Variants in ARMH3 observed in about 807,000 individuals in gnomAD.
ARMH3 encodes the protein armadillo like helical domain containing 3.
ARMH3 carries 60 observed loss-of-function variants against 99.1 expected under a neutral mutation model. The ratio of observed to expected loss-of-function variants is 0.61; its 90% CI spans 0.49 to 0.75. The LOEUF is 0.75. Among genes scored for constraint, ARMH3 ranks in the 30% least tolerant of loss-of-function variants. The probability of loss-of-function intolerance (pLI) is 0.00; values close to 1 mark genes in which losing one functional copy is unlikely to be tolerated. For missense variants in ARMH3, 679 were observed against 843.1 expected (o/e 0.81, Z 2.41); for synonymous variants, 285 against 292.8 (o/e 0.97, Z 0.27).
chr10:101,968,673 T>C (rs564043777), intron 20 of ARMH3, among the ~76,000 whole-genome samples: 2 of 152,366 alleles, frequency 1.3e-5, no homozygotes, highest in Admixed American at 1.3e-4. Flanking sequence ...TTTTTCTCCC[T>C]GTAACAGGCT....
At chr10:102,017,429 T>C (rs1455660759) in intron 8 of ARMH3, among the ~76,000 whole-genome samples, 1 of 152,216 alleles carries the variant, frequency 6.6e-6, no homozygotes, top group East Asian at 1.9e-4. Context: ...TGTCCAATAT[T>C]TCAGACTGAC....
intron 23 of ARMH3, among the ~76,000 whole-genome samples, chr10:101,918,788 C>T (rs1843190410): frequency 6.6e-6 from 1 of 152,122 alleles, no homozygotes; most frequent in African/African-American, 2.4e-5. Context: ...TAATGTATCC[C>T]TAACTCTAAT....
At chr10:101,950,769 T>C (rs761850616) in intron 22 of ARMH3, among the ~76,000 whole-genome samples, 2 of 152,142 alleles carry the variant, frequency 1.3e-5, no homozygotes, top group African/African-American at 2.4e-5. Flanking sequence ...ACACAGAGAA[T>C]AGATTAGTGA....
intron 8 of ARMH3, 46 bp downstream of exon 8, chr10:102,023,428 TAAG>T (rs1240859348): frequency 3.9e-6 from 6 of 1,526,180 alleles, no homozygotes; most frequent in Non-Finnish European, 5.4e-6. Flanking sequence ...GGGCCGCATT[TAAG>T]AAGATTATAG....
intron 23 of ARMH3, among the ~76,000 whole-genome samples, chr10:101,902,365 T>C (rs988604228): frequency 3.9e-5 from 6 of 152,152 alleles, no homozygotes; most frequent in Non-Finnish European, 7.3e-5. Flanking sequence ...CAGATATGAA[T>C]AGACAGAAGT....
At chr10:101,975,623 T>C (rs1049590973) in intron 19 of ARMH3, among the ~76,000 whole-genome samples, 1 of 151,962 alleles carries the variant, frequency 6.6e-6, no homozygotes, top group African/African-American at 2.4e-5. Flanking sequence ...CCCAGCACTT[T>C]GGGAGGCCGA....
chr10:101,925,917 A>T (rs368875659), intron 23 of ARMH3, among the ~76,000 whole-genome samples: 10 of 152,220 alleles, frequency 6.6e-5, no homozygotes, highest in East Asian at 3.9e-4. Context: ...TCTCAAAAAA[A>T]ATATAAATAA....
At chr10:101,955,370 G>A (rs1019345356) in intron 22 of ARMH3, among the ~76,000 whole-genome samples, 2 of 152,156 alleles carry the variant, frequency 1.3e-5, no homozygotes, top group Non-Finnish European at 2.9e-5. Flanking sequence ...TACTCTTTAA[G>A]ATGGTTTTAA....
At chr10:101,950,625 A>G (rs1264809277) in intron 22 of ARMH3, among the ~76,000 whole-genome samples, 2 of 152,238 alleles carry the variant, frequency 1.3e-5, no homozygotes, top group Non-Finnish European at 2.9e-5. Context: ...TAAAAAGGGA[A>G]CGAAGTACTG....
chr10:101,904,963 A>AG (rs1450092018), intron 23 of ARMH3, among the ~76,000 whole-genome samples: 4 of 151,740 alleles, frequency 2.6e-5, no homozygotes, highest in Non-Finnish European at 2.9e-5. Context: ...AAAAAAAAAA[A>AG]AAAGAAAGAA....
At chr10:102,033,254 G>A (rs372418922) in intron 3 of ARMH3, 29 bp downstream of exon 3, 1 of 1,613,744 alleles carries the variant, frequency 6.2e-7, no homozygotes, top group Non-Finnish European at 8.5e-7. Context: ...TAGTTACCAG[G>A]AAATTCCACA....
At chr10:101,859,243 A>C (rs2066805677) in intron 24 of ARMH3, among the ~76,000 whole-genome samples, 1 of 152,192 alleles carries the variant, frequency 6.6e-6, no homozygotes, top group Non-Finnish European at 1.5e-5. Context: ...TAAGGAACCC[A>C]AGGTTTTTTC....
Position 101,957,669 on chromosome 10 carries a change from ATGT to A in ARMH3, c.1556_1558del (p.Asn519del). 6.2e-7 allele frequency: 1 copy of A among 1,611,234 alleles called. No homozygotes were observed. Among genetic ancestry groups the A allele is most frequent in the Non-Finnish European group, 8.5e-7 (1 of 1,179,098 alleles). ...ACTCACCATAAGGGCTAATGTAAAA[ATGT>A]TGTGTTTGGCCAAAAGTACAGTCTC... is the stretch of plus-strand genomic sequence containing the variant. On this transcript the variant is annotated inframe_deletion, in exon 21 of 26. Transcript: ENST00000370033.
intron 22 of ARMH3, among the ~76,000 whole-genome samples, chr10:101,949,027 A>AAAAT (rs1219239707): frequency 6.6e-6 from 1 of 152,198 alleles, no homozygotes; most frequent in Non-Finnish European, 1.5e-5. Flanking sequence ...GGGAAATAAG[A>AAAAT]AAATACACTG....
intron 24 of ARMH3, among the ~76,000 whole-genome samples, chr10:101,877,522 T>C (rs2067299019): frequency 6.6e-6 from 1 of 151,974 alleles, no homozygotes; most frequent in Admixed American, 6.6e-5. Flanking sequence ...TAGCCAGGCG[T>C]GATGGCGTGT....
intron 22 of ARMH3, among the ~76,000 whole-genome samples, chr10:101,940,717 T>C (rs1175606270): frequency 1.3e-5 from 2 of 152,182 alleles, no homozygotes; most frequent in African/African-American, 4.8e-5. Context: ...TTTGCTCCTC[T>C]GACTTAACTG....
intron 1 of ARMH3, among the ~76,000 whole-genome samples, chr10:102,049,929 T>G (rs947563530): frequency 1.3e-5 from 2 of 152,106 alleles, no homozygotes; most frequent in Non-Finnish European, 2.9e-5. Context: ...AGCCATTAAA[T>G]CTTTCTCTCT....
At chr10:102,047,491 T>TG (rs1490059784) in intron 1 of ARMH3, among the ~76,000 whole-genome samples, 1 of 151,754 alleles carries the variant, frequency 6.6e-6, no homozygotes, top group African/African-American at 2.4e-5. Flanking sequence ...CCAAACTTTT[T>TG]TTTTTTTTTT....
At chr10:102,004,804 T>C (rs890320118) in intron 14 of ARMH3, among the ~76,000 whole-genome samples, 6 of 152,016 alleles carry the variant, frequency 3.9e-5, no homozygotes, top group Non-Finnish European at 7.4e-5. Flanking sequence ...GCATGGTGGC[T>C]CATGGGTGTA....
Sources: gnomAD v4.1 joint callset for allele counts (sites outside exome capture counted in the v4.1 genomes callset) on GRCh38, gnomAD v4.1.1 for gene constraint, MANE v1.5 for transcripts, NCBI Gene and HGNC (gene_info 2026-07-23, HGNC 2026-07-21) for gene names.